Variants in PANK2 observed in about 807,000 individuals in gnomAD.
The protein encoded by PANK2 is pantothenate kinase 2.
A neutral mutation model predicts 43.1 loss-of-function variants in PANK2; 36 were observed. The observed-to-expected ratio is 0.84, with a 90% CI of 0.64 to 1.10. The LOEUF is 1.10. Ranked by LOEUF, PANK2 falls within the 50% of genes least tolerant of loss-of-function variation. PANK2 has a pLI of 0.00. For synonymous variants in PANK2, 281 were observed against 238.2 expected, an observed-to-expected ratio of 1.18 and a Z score of -1.66; for missense variants, 576 against 593.3, an observed-to-expected ratio of 0.97 and a Z score of 0.30.
intron 1 of PANK2, among the ~76,000 whole-genome samples, chr20:3,903,505 T>G (rs930208196): frequency 1.2e-4 from 18 of 148,060 alleles, no homozygotes; most frequent in African/African-American, 4.3e-4. Context: ...TTGCTCTTGT[T>G]GCCCAGGCTG....
At chr20:3,920,293 C>T (rs987808974) in intron 6 of PANK2, among the ~76,000 whole-genome samples, 4 of 150,536 alleles carry the variant, frequency 2.7e-5, no homozygotes, top group African/African-American at 9.8e-5. Context: ...GGGCAGATCA[C>T]CTAAGGTCAG....
At position 3,916,916 on chromosome 20, in the gene PANK2, C is replaced by T. The variant is rs2090569653; in HGVS notation, c.1083-11C>T. Reference sequence around the variant, plus strand: ...TGGTTTAGCAATGGGATTTTTTTTCCCCCATCACAGCTTTGGAAACATGAT... The same window carrying T: ...TGGTTTAGCAATGGGATTTTTTTTCTCCCATCACAGCTTTGGAAACATGAT... On this transcript the variant is annotated splice_polypyrimidine_tract_variant and intron_variant, in intron 4 of 6. Coordinates refer to ENST00000610179, the MANE Select transcript of PANK2 (RefSeq NM_001386393.1). 6 of 1,613,266 alleles carry T rather than the reference C, an allele frequency of 3.7e-6. No homozygotes were observed. Among genetic ancestry groups the T allele is most frequent in the East Asian group, 4.5e-5 (2 of 44,878 alleles).
chr20:3,912,793 T>C (rs1268442476), intron 4 of PANK2, among the ~76,000 whole-genome samples, 159 bp downstream of exon 4: 1 of 151,720 alleles, frequency 6.6e-6, no homozygotes, highest in African/African-American at 2.4e-5. Flanking sequence ...CTACTAAAAA[T>C]ACAAAAATTA....
intron 6 of PANK2, among the ~76,000 whole-genome samples, chr20:3,919,949 C>T (rs2090621695): frequency 6.6e-6 from 1 of 152,064 alleles, no homozygotes; most frequent in Admixed American, 6.6e-5. Context: ...GTACACAAAT[C>T]CCCATATCAA....
chr20:3,895,691 G>A (rs1481303776), intron 1 of PANK2, among the ~76,000 whole-genome samples: 1 of 152,040 alleles, frequency 6.6e-6, no homozygotes, highest in African/African-American at 2.4e-5. Context: ...GCACTGTTCA[G>A]GTAAGACTGA....
chr20:3,912,834 C>T (rs538879125), intron 4 of PANK2, among the ~76,000 whole-genome samples, 200 bp downstream of exon 4: 1 of 144,944 alleles, frequency 6.9e-6, no homozygotes, highest in East Asian at 2.0e-4. Flanking sequence ...CCTGTAGACC[C>T]AGGTACTTGG....
chr20:3,899,391 G>A (rs1019809373), intron 1 of PANK2, among the ~76,000 whole-genome samples: 1 of 150,710 alleles, frequency 6.6e-6, no homozygotes, highest in African/African-American at 2.4e-5. Context: ...GGCTGGTCTC[G>A]AACTCCTAAC....
At chr20:3,904,892 G>C (rs537677691) in intron 1 of PANK2, among the ~76,000 whole-genome samples, 1 of 152,276 alleles carries the variant, frequency 6.6e-6, no homozygotes, top group East Asian at 1.9e-4. Flanking sequence ...GAGAATTCCT[G>C]TTCTTCTGCC....
At chr20:3,905,714 AC>A (rs1394883893) in intron 1 of PANK2, among the ~76,000 whole-genome samples, 1 of 116,488 alleles carries the variant, frequency 8.6e-6, no homozygotes, top group Non-Finnish European at 1.8e-5. Context: ...ATAAACCCAC[AC>A]CCTTTTTTTT....
chr20:3,905,128 A>G (rs1168518350), intron 1 of PANK2, among the ~76,000 whole-genome samples: 2 of 150,492 alleles, frequency 1.3e-5, no homozygotes, highest in Admixed American at 6.7e-5. Flanking sequence ...TGGCCTGTCC[A>G]CTTGTGCCAA....
chr20:3,917,232 G>A (rs182764146), intron 5 of PANK2, among the ~76,000 whole-genome samples, 182 bp downstream of exon 5: 49 of 150,772 alleles, frequency 3.2e-4, no homozygotes, highest in Middle Eastern at 6.9e-3. Flanking sequence ...TTAAACTGAA[G>A]ATAAACATTG....
rs11468265 is a variant in PANK2 at position 3,902,972 on chromosome 20, G to GACACACACACAC, written c.299-4919_299-4908dup. Among the ~76,000 whole-genome samples, 226 of 141,428 alleles carry GACACACACACAC rather than the reference G, an allele frequency of 1.6e-3. 3 individuals carry two copies. Among genetic ancestry groups the GACACACACACAC allele is most frequent in the African/African-American group, 5.3e-3 (197 of 37,432 alleles). 92.8% of individuals were successfully genotyped at this position (141,428 alleles called of 152,430 possible). A position where few individuals can be genotyped will look rare whatever the true frequency, so the allele number is the denominator to read the frequency against. Reference sequence around the variant, plus strand: ...CCATGAGTTTCGACAGATGTGTATAGACACACACACACACACACACACACA... The same window carrying GACACACACACAC: ...CCATGAGTTTCGACAGATGTGTATAGACACACACACACACACACACACACACACACACACACA... On this transcript the variant is annotated intron_variant, in intron 1 of 6. Transcript: ENST00000610179.
upstream of PANK2, chr20:3,888,943 AGCGGCCAGACGC>A: frequency 1.7e-5 from 10 of 576,052 alleles, no homozygotes; most frequent in Admixed American, 9.7e-5. Flanking sequence ...GCCGACGACC[AGCGGCCAGACGC>A]TGCGGGAGCA....
At chr20:3,891,800 AATTAT>A (rs998507883) in intron 1 of PANK2, among the ~76,000 whole-genome samples, 2 of 152,150 alleles carry the variant, frequency 1.3e-5, no homozygotes, top group African/African-American at 2.4e-5. Flanking sequence ...GGGTGGGGAG[AATTAT>A]ATTAAGGTAG....
intron 1 of PANK2, among the ~76,000 whole-genome samples, chr20:3,894,329 C>G (rs1282867656): frequency 6.6e-6 from 1 of 151,882 alleles, no homozygotes; most frequent in Non-Finnish European, 1.5e-5. Flanking sequence ...CAACCTCCAC[C>G]TCCCAGGTTC....
rs1568550769 is a variant in PANK2 at position 3,889,645 on chromosome 20, C to CA, written c.215_216insA (p.Arg73GlufsTer47). 5 of 1,581,316 alleles carry CA rather than the reference C, an allele frequency of 3.2e-6. No individual in the cohort carries two copies. In the South Asian group the frequency reaches 5.6e-5, roughly 18 times the overall value. On this transcript the variant is annotated frameshift_variant, in exon 1 of 7. Coordinates refer to ENST00000610179, the MANE Select transcript of PANK2 (RefSeq NM_001386393.1). LOFTEE classifies it high-confidence loss of function. ...GCGGTCGGGGCCTCGGCTGAGGGCA[C>CA]GAGGCGGGATCGACTGGGCTCTTAC... is the stretch of plus-strand genomic sequence containing the variant.
chr20:3,889,919 C>G (rs1317853905), intron 1 of PANK2, 191 bp downstream of exon 1: 2 of 1,531,998 alleles, frequency 1.3e-6, no homozygotes, highest in Non-Finnish European at 1.7e-6. Flanking sequence ...TCGGGGGCCC[C>G]CCCGCACCCA....
At chr20:3,917,223 T>A (rs1048721791) in intron 5 of PANK2, among the ~76,000 whole-genome samples, 173 bp downstream of exon 5, 3 of 151,800 alleles carry the variant, frequency 2.0e-5, no homozygotes, top group South Asian at 2.1e-4. Flanking sequence ...TTTTTTTTTT[T>A]AAACTGAAGA....
At position 3,907,676 on chromosome 20, in the gene PANK2, C is replaced by T. The variant is rs71647834; in HGVS notation, c.299-250C>T. On this transcript the variant is annotated intron_variant, in intron 1 of 6. Coordinates refer to ENST00000610179, the MANE Select transcript of PANK2 (RefSeq NM_001386393.1). The stretch of plus-strand genomic sequence containing the variant: ...TTAAAACACTTCATAGTGCGGTTTG[C>T]GCTTGTCTGACAGAATGGTTGGGTT... Among the ~76,000 whole-genome samples, 1,092 of 152,016 alleles carry T rather than the reference C, an allele frequency of 7.2e-3. 24 individuals carry two copies. The highest frequency in any genetic ancestry group is 0.025 in the African/African-American group (1,028 of 41,488).
Sources: allele counts gnomAD v4.1 joint callset (sites outside exome capture counted in the v4.1 genomes callset), GRCh38; gene constraint gnomAD v4.1.1; transcripts MANE v1.5; gene names NCBI Gene and HGNC (gene_info 2026-07-23, HGNC 2026-07-21).